The following LINGO1 variants were observed in gnomAD, a reference collection of about 807,000 sequenced individuals.
The protein encoded by LINGO1 is leucine rich repeat and Ig domain containing 1, also known as leucine-rich repeat and immunoglobulin-like domain-containing nogo receptor-interacting protein 1.
LINGO1 carries 11 observed loss-of-function variants against 37.3 expected under a neutral mutation model. That is an observed-to-expected ratio of 0.29 (90% CI 0.19 to 0.49). The LOEUF (loss-of-function observed/expected upper bound fraction) is 0.49, where lower values mean the gene tolerates loss of function less well. Among genes scored for constraint, LINGO1 ranks in the 20% least tolerant of loss-of-function variants. The pLI is 0.99. For synonymous variants in LINGO1, 387 were observed against 403.0 expected (o/e 0.96, Z 0.48); for missense variants, 585 against 878.2 (o/e 0.67, Z 4.22).
chr15:77,702,731 A>G (rs1227732256), intron 2 of LINGO1, among the ~76,000 whole-genome samples: 1 of 151,514 alleles, frequency 6.6e-6, no homozygotes, highest in South Asian at 2.1e-4. Context: ...TGCCTGGGCT[A>G]CACACACACA....
intron 1 of LINGO1, among the ~76,000 whole-genome samples, chr15:77,774,548 G>GCA (rs1011756329): frequency 6.6e-6 from 1 of 152,072 alleles, no homozygotes; most frequent in Admixed American, 6.5e-5. Flanking sequence ...CACACTTAGT[G>GCA]CACACACACA....
chr15:77,675,984 T>C (rs2075320933), intron 3 of LINGO1, among the ~76,000 whole-genome samples: 1 of 152,248 alleles, frequency 6.6e-6, no homozygotes, highest in South Asian at 2.1e-4. Flanking sequence ...CTCTCAGCTC[T>C]GTTCACAGGC....
rs559781839 is a variant in LINGO1, at chr15:77,723,219, C to T, written c.-195+11773G>A. 6.6e-5 allele frequency among the ~76,000 whole-genome samples: 10 copies of T among 150,454 alleles called. No homozygotes were observed. In the South Asian group the frequency reaches 1.5e-3, roughly 22 times the overall value. On this transcript the variant is annotated intron_variant, in intron 2 of 3. Transcript: ENST00000561686. ...CAAGACAGCCACAGAGCAGTGAGCG[C>T]GGCCTGAGGCAGGGGTTTCATCAGC...
At chr15:77,681,929 C>T (rs1292902234) in intron 2 of LINGO1, among the ~76,000 whole-genome samples, 1 of 152,158 alleles carries the variant, frequency 6.6e-6, no homozygotes, top group Non-Finnish European at 1.5e-5. Context: ...GCTTCTCACA[C>T]ACGCCCTCGA....
intron 1 of LINGO1, among the ~76,000 whole-genome samples, chr15:77,776,522 G>GGAAAGCAGGAAGGCAGGAAAGC (rs2076651152): frequency 1.9e-5 from 1 of 52,470 alleles, no homozygotes; most frequent in East Asian, 4.7e-4. Context: ...GGCAGGAAGG[G>GGAAAGCAGGAAGGCAGGAAAGC]AGGAAGGGAG....
At chr15:77,645,874 G>A (rs998505878) in intron 3 of LINGO1, among the ~76,000 whole-genome samples, 10 of 152,356 alleles carry the variant, frequency 6.6e-5, no homozygotes, top group African/African-American at 2.2e-4. Context: ...GGACAGCCCA[G>A]GGGTGTAAGA....
At chr15:77,686,304 C>T (rs2141239961) in intron 2 of LINGO1, among the ~76,000 whole-genome samples, 1 of 152,286 alleles carries the variant, frequency 6.6e-6, no homozygotes, top group South Asian at 2.1e-4. Flanking sequence ...CCCAGACTCC[C>T]CTGACTGGCT....
Position 77,632,326 on chromosome 15 carries a change from C to T in LINGO1, c.-11G>A. ...CTGGCTCACCTGCATCTCGGGCGCG[C>T]CTTCGGTCCGCTCGGCTCGGTCACC... On this transcript the variant is annotated 5_prime_UTR_variant, in exon 1 of 2. Coordinates refer to ENST00000355300, the MANE Select transcript of LINGO1 (RefSeq NM_032808.7). The surrounding 1 kb of genome is among the most constrained non-coding windows in gnomAD (Gnocchi z 6.0). 1 of 1,439,304 alleles carries T rather than the reference C, an allele frequency of 6.9e-7. No individual in the cohort carries two copies. The highest frequency in any genetic ancestry group is 1.4e-5 in the South Asian group (1 of 72,248). The allele number at this position is 1,439,304 out of a possible 1,614,324, so 89.2% of individuals were successfully genotyped here. A position where few individuals can be genotyped will look rare whatever the true frequency, so the allele number is the denominator to read the frequency against.
At chr15:77,793,659 G>A (rs1353097904) in intron 2 of LINGO1, among the ~76,000 whole-genome samples, 1 of 152,174 alleles carries the variant, frequency 6.6e-6, no homozygotes, top group Non-Finnish European at 1.5e-5. Context: ...CAGAGAATTG[G>A]CTAAACGCAC....
chr15:77,796,252 A>G (rs1316652066), intron 1 of LINGO1, among the ~76,000 whole-genome samples: 1 of 151,940 alleles, frequency 6.6e-6, no homozygotes, highest in Non-Finnish European at 1.5e-5. Flanking sequence ...TGGCAAACTC[A>G]TGCTTACACA....
chr15:77,810,628 A>C (rs2076998188), intron 1 of LINGO1, among the ~76,000 whole-genome samples: 2 of 152,050 alleles, frequency 1.3e-5, no homozygotes, highest in African/African-American at 4.8e-5. Context: ...AGAACTGGCC[A>C]CTCCCTGTGC....
At chr15:77,728,934 C>T (rs1251007848) in intron 2 of LINGO1, among the ~76,000 whole-genome samples, 1 of 152,260 alleles carries the variant, frequency 6.6e-6, no homozygotes, top group East Asian at 1.9e-4. Context: ...TACTCTGGGT[C>T]TGCTGTTGCT....
At chr15:77,628,266 G>A (rs1397358649) in intron 1 of LINGO1, among the ~76,000 whole-genome samples, 1 of 152,166 alleles carries the variant, frequency 6.6e-6, no homozygotes, top group African/African-American at 2.4e-5. Context: ...GAAGGTTCCT[G>A]GCAGCATTGT....
intron 2 of LINGO1, among the ~76,000 whole-genome samples, chr15:77,712,328 A>T (rs758202083): frequency 8.6e-5 from 13 of 150,612 alleles, no homozygotes; most frequent in Non-Finnish European, 1.3e-4. Flanking sequence ...ACCTTCCATC[A>T]CTGCCCTTCC....
intron 1 of LINGO1, among the ~76,000 whole-genome samples, chr15:77,768,157 T>C (rs2076547951): frequency 6.6e-6 from 1 of 152,118 alleles, no homozygotes; most frequent in African/African-American, 2.4e-5. Flanking sequence ...CTGTCCTGTG[T>C]ACACCCACCC....
chr15:77,682,778 C>T (rs2075439420), intron 2 of LINGO1, among the ~76,000 whole-genome samples: 1 of 152,158 alleles, frequency 6.6e-6, no homozygotes, highest in Non-Finnish European at 1.5e-5. Flanking sequence ...ACGGCCTTTC[C>T]CAGTCACAAA....
intron 1 of LINGO1, among the ~76,000 whole-genome samples, chr15:77,756,485 G>GACACACACACAC (rs35031617): frequency 1.4e-5 from 2 of 140,710 alleles, no homozygotes; most frequent in African/African-American, 5.5e-5. Flanking sequence ...CAGACAGACA[G>GACACACACACAC]ACACACACAC....
chr15:77,647,043 G>A (rs943626873), intron 3 of LINGO1, among the ~76,000 whole-genome samples: 2 of 141,162 alleles, frequency 1.4e-5, no homozygotes, highest in Non-Finnish European at 3.1e-5. Flanking sequence ...CGGGCCCCCG[G>A]TATTCACTCT....
intron 2 of LINGO1, among the ~76,000 whole-genome samples, chr15:77,794,561 TAC>T (rs761678894): frequency 2.8e-5 from 3 of 107,612 alleles, no homozygotes; most frequent in East Asian, 2.3e-4. Context: ...TGTGTATATA[TAC>T]ACACACACAT....
Sources: allele counts gnomAD v4.1 joint callset (sites outside exome capture counted in the v4.1 genomes callset), GRCh38; gene constraint gnomAD v4.1.1; non-coding constraint Gnocchi (gnomAD v3.1); transcripts MANE v1.5; gene names NCBI Gene and HGNC (gene_info 2026-07-23, HGNC 2026-07-21).